PTK7: variants seen among roughly 807,000 people sequenced by gnomAD.
PTK7 encodes inactive tyrosine-protein kinase 7.
Under a neutral mutation model 116.6 loss-of-function variants are expected in PTK7, and 39 were observed. That is an observed-to-expected ratio of 0.33 (90% confidence interval 0.26 to 0.44). PTK7 has a LOEUF of 0.44. Ranked by LOEUF, PTK7 falls within the 20% of genes least tolerant of loss-of-function variation. The pLI is 1.00. For missense variants in PTK7, 1,169 were observed against 1,425.6 expected, an observed-to-expected ratio of 0.82 and a Z score of 2.90; for synonymous variants, 546 against 563.6, an observed-to-expected ratio of 0.97 and a Z score of 0.44.
chr6:43,131,881 C>A, intron 5 of PTK7, 135 bp from the exon 6 acceptor site: 1 of 1,215,286 alleles, frequency 8.2e-7, no homozygotes, highest in Non-Finnish European at 1.2e-6. Flanking sequence ...GGAGTGTCAG[C>A]TTCCTTCTCT....
chr6:43,118,712 T>C (rs1653159912), intron 1 of PTK7, among the ~76,000 whole-genome samples: 1 of 143,944 alleles, frequency 6.9e-6, no homozygotes, highest in South Asian at 2.2e-4. Context: ...TATGTCTGTA[T>C]ATATACGTAT....
In PTK7 at chr6:43,096,632, G is replaced by A. The variant is rs568204952; in HGVS notation, c.79+20065G>A. The stretch of plus-strand genomic sequence containing the variant: ...ACCTGGTCGCTGGGGTGGTAGGTGG[G>A]ATGGAGAGCTTCCCTTGTGCTCTGC... On this transcript the variant is annotated intron_variant, in intron 1 of 19. Coordinates refer to ENST00000230419, the MANE Select transcript of PTK7 (RefSeq NM_002821.5). Among the ~76,000 whole-genome samples the A allele has an allele frequency of 3.2e-4, 48 of 152,346 alleles. No individual in the cohort carries two copies. In the South Asian group the frequency reaches 9.9e-3, roughly 32 times the overall value.
At chr6:43,105,089 G>T (rs1488629454) in intron 1 of PTK7, among the ~76,000 whole-genome samples, 5 of 151,010 alleles carry the variant, frequency 3.3e-5, no homozygotes, top group African/African-American at 9.7e-5. Context: ...GGGATTATAG[G>T]CATGAGCCAC....
At chr6:43,102,288 G>C (rs1434163264) in intron 1 of PTK7, among the ~76,000 whole-genome samples, 1 of 152,324 alleles carries the variant, frequency 6.6e-6, no homozygotes, top group South Asian at 2.1e-4. Flanking sequence ...AGCTGGGCAT[G>C]GTGGCGGGCG....
Position 43,115,947 on chromosome 6 carries a change from A to AAAG in PTK7, c.80-13030_80-13029insAAG, listed in dbSNP as rs577047547. Among the ~76,000 whole-genome samples, 21 of 128,404 alleles carry AAAG rather than the reference A, an allele frequency of 1.6e-4. 2 individuals carry two copies. Among genetic ancestry groups the AAAG allele is most frequent in the Admixed American group, 3.1e-4 (4 of 12,768 alleles). The allele number at this position is 128,404 out of a possible 152,430, so 84.2% of individuals were successfully genotyped here. On this transcript the variant is annotated intron_variant, in intron 1 of 19. Transcript: ENST00000230419. ...CATCTCAAAAAAAAAAAAAAAAAAA[A>AAAG]GGCAGTGGGCCCTGTGCAAAATCCT...
At chr6:43,116,696 AG>A in intron 1 of PTK7, among the ~76,000 whole-genome samples, 1 of 151,730 alleles carries the variant, frequency 6.6e-6, no homozygotes, top group South Asian at 2.1e-4. Context: ...ACATGTGACC[AG>A]GTTCTGAGGA....
At chr6:43,146,390 A>G (rs1484000905) in intron 16 of PTK7, among the ~76,000 whole-genome samples, 1 of 151,974 alleles carries the variant, frequency 6.6e-6, no homozygotes, top group East Asian at 1.9e-4. Flanking sequence ...TGGGGTAGAA[A>G]TGCCAATTCT....
chr6:43,092,857 T>C (rs1342211054), intron 1 of PTK7, among the ~76,000 whole-genome samples: 1 of 152,226 alleles, frequency 6.6e-6, no homozygotes, highest in East Asian at 1.9e-4. Flanking sequence ...GCTGTGATGG[T>C]TATCTGTGAT....
intron 1 of PTK7, among the ~76,000 whole-genome samples, chr6:43,086,831 C>T (rs767465251): frequency 6.6e-6 from 1 of 151,980 alleles, no homozygotes; most frequent in Non-Finnish European, 1.5e-5. Flanking sequence ...GGCACCTGAG[C>T]GAGACCCTAT....
At chr6:43,117,401 CAT>C (rs995200668) in intron 1 of PTK7, among the ~76,000 whole-genome samples, 2 of 152,198 alleles carry the variant, frequency 1.3e-5, no homozygotes, top group African/African-American at 4.8e-5. Context: ...CAAAAGGACT[CAT>C]GTGAAACACA....
chr6:43,110,982 C>G lies in PTK7; in HGVS notation c.80-17995C>G, dbSNP rs548233752. Among the ~76,000 whole-genome samples, 67 of 152,236 alleles carry G rather than the reference C, an allele frequency of 4.4e-4. No homozygotes were observed. In the South Asian group the frequency reaches 0.013, roughly 31 times the overall value. The stretch of plus-strand genomic sequence containing the variant: ...ATGAACATTACTGTGTTCTCTTCAC[C>G]TAATAACTGTTTGTGTTCCTTGAGG... On this transcript the variant is annotated intron_variant, in intron 1 of 19. Transcript: ENST00000230419.
chr6:43,136,334 CAAA>C (rs59556544), intron 7 of PTK7, among the ~76,000 whole-genome samples: 1 of 133,376 alleles, frequency 7.5e-6, no homozygotes, highest in Non-Finnish European at 1.7e-5. Context: ...GACTCCAACT[CAAA>C]AAAAAAAAAA....
At position 43,141,147 on chromosome 6, in the gene PTK7, G is replaced by A. The variant is rs1009473919; in HGVS notation, c.1619-521G>A. 3.3e-5 allele frequency among the ~76,000 whole-genome samples: 5 copies of A among 152,058 alleles called. No individual in the cohort carries two copies. The highest frequency in any genetic ancestry group is 9.7e-5 in the African/African-American group (4 of 41,394). Reference sequence around the variant, plus strand: ...TCCCAGAATTGGGATAATTATGCACGAAAGGGGGTATGAACATTTTTATAG... The same window carrying A: ...TCCCAGAATTGGGATAATTATGCACAAAAGGGGGTATGAACATTTTTATAG... On this transcript the variant is annotated intron_variant, in intron 10 of 19. Coordinates refer to ENST00000230419, the MANE Select transcript of PTK7 (RefSeq NM_002821.5). The surrounding 1 kb of genome is among the most constrained non-coding windows in gnomAD (Gnocchi z 4.9).
Position 43,115,811 on chromosome 6 carries a change from TC to T in PTK7, c.80-13165del, listed in dbSNP as rs1274352035. ...AATTAGCCTGGCACTGTGGCGGGTG[TC>T]AGCTACTCGGGAGGCTGAGATGGGA... On this transcript the variant is annotated intron_variant, in intron 1 of 19. Transcript: ENST00000230419. 9.3e-5 allele frequency among the ~76,000 whole-genome samples: 14 copies of T among 151,206 alleles called. No homozygotes were observed. In the South Asian group the frequency reaches 2.5e-3, roughly 27 times the overall value.
At chr6:43,138,821 C>A in intron 7 of PTK7, 28 bp from the exon 8 acceptor site, 2 of 1,585,834 alleles carry the variant, frequency 1.3e-6, no homozygotes, top group Non-Finnish European at 1.7e-6. Flanking sequence ...GTGAAGCAGC[C>A]TTCACTGTTT....
rs1207504143 is a variant in PTK7, at chr6:43,128,986, C to G, written c.89C>G (p.Thr30Arg). 1 of 1,606,092 alleles carries G rather than the reference C, an allele frequency of 6.2e-7. No homozygotes were observed. Among genetic ancestry groups the G allele is most frequent in the Non-Finnish European group, 8.5e-7 (1 of 1,174,516 alleles). Residue 30 changes from threonine to arginine, a missense_variant, in exon 2 of 20, where the codon ACA (threonine) becomes AGA (arginine). This residue lies in a region of PTK7 where 487 missense variants were observed against 549.8 expected (regional missense o/e 0.89). Transcript: ENST00000230419. ...CTGTTTGCATCTACAGGTACCCAGACAGCCATTGTCTTCATCAAGCAGCCG... is the reference window on the plus strand; with the variant it reads ...CTGTTTGCATCTACAGGTACCCAGAGAGCCATTGTCTTCATCAAGCAGCCG... ...LLLPLLGGTQ[T>R]AIVFIKQPSS... is the part of the protein sequence containing the mutation.
intron 1 of PTK7, among the ~76,000 whole-genome samples, chr6:43,079,797 G>A (rs892130185): frequency 7.3e-5 from 11 of 151,310 alleles, no homozygotes; most frequent in South Asian, 2.1e-4. Flanking sequence ...CCAGGTTTAC[G>A]CCTGTTATCC....
intron 5 of PTK7, chr6:43,131,674 T>G (rs1769690171): frequency 2.9e-6 from 1 of 339,018 alleles, no homozygotes; most frequent in Non-Finnish European, 5.6e-6. Flanking sequence ...TCCCACTGGG[T>G]CCCTCCCACA....
Position 43,102,887 on chromosome 6 carries a change from T to C in PTK7, c.80-26090T>C, listed in dbSNP as rs185711444. Reference sequence around the variant, plus strand: ...CCATCGTCCCAGCTAGTTGGGAGGCTGAGGTGGGAGGATTGCAGCTTGGAC... The same window carrying C: ...CCATCGTCCCAGCTAGTTGGGAGGCCGAGGTGGGAGGATTGCAGCTTGGAC... On this transcript the variant is annotated intron_variant, in intron 1 of 19. Coordinates refer to ENST00000230419, the MANE Select transcript of PTK7 (RefSeq NM_002821.5). Among the ~76,000 whole-genome samples the C allele has an allele frequency of 3.6e-3, 546 of 152,174 alleles. 3 individuals are homozygous for C. Among genetic ancestry groups the C allele is most frequent in the African/African-American group, 0.012 (491 of 41,526 alleles).
Sources: gnomAD v4.1 joint callset for allele counts (sites outside exome capture counted in the v4.1 genomes callset) on GRCh38, gnomAD v4.1.1 for gene constraint, gnomAD v4.1.1 regional missense constraint, Gnocchi (gnomAD v3.1) non-coding constraint, MANE v1.5 for transcripts, NCBI Gene and HGNC (gene_info 2026-07-23, HGNC 2026-07-21) for gene names.